The following MCC variants were observed in gnomAD, a reference collection of about 807,000 sequenced individuals.
The protein encoded by MCC is MCC regulator of Wnt signaling pathway.
A neutral mutation model predicts 116.2 loss-of-function variants in MCC; 90 were observed. The observed-to-expected ratio is 0.77, with a 90% CI of 0.65 to 0.92. MCC has a LOEUF of 0.92. Among genes scored for constraint, MCC ranks in the 40% least tolerant of loss-of-function variants. The probability of loss-of-function intolerance (pLI) is 0.00; values close to 1 mark genes in which losing one functional copy is unlikely to be tolerated. For synonymous variants in MCC, 578 were observed against 510.5 expected (o/e 1.13, Z -1.78); for missense variants, 1,516 against 1,312.2 (o/e 1.16, Z -2.40).
At chr5:113,324,564 T>C (rs2150372392) in intron 3 of MCC, among the ~76,000 whole-genome samples, 3 of 152,280 alleles carry the variant, frequency 2.0e-5, no homozygotes, top group Middle Eastern at 6.8e-3. Context: ...AGACTTTTCC[T>C]TCTCTATTAT....
intron 3 of MCC, among the ~76,000 whole-genome samples, chr5:113,245,715 C>T (rs190468612): frequency 1.3e-5 from 2 of 152,154 alleles, no homozygotes; most frequent in Non-Finnish European, 2.9e-5. Flanking sequence ...TCTGACAAAG[C>T]CTCATACTTT....
At chr5:113,320,931 A>G (rs923694602) in intron 3 of MCC, among the ~76,000 whole-genome samples, 1 of 152,218 alleles carries the variant, frequency 6.6e-6, no homozygotes, top group Admixed American at 6.5e-5. Context: ...ACTTTCTCAA[A>G]TATTTCCAAT....
chr5:113,390,288 G>C (rs1009647639), intron 1 of MCC, among the ~76,000 whole-genome samples: 2 of 152,048 alleles, frequency 1.3e-5, no homozygotes, highest in Non-Finnish European at 2.9e-5. Flanking sequence ...TGTTACAAAT[G>C]CTTTAAAAGG....
chr5:113,188,996 C>G (rs1048743095), intron 3 of MCC, among the ~76,000 whole-genome samples: 3 of 152,204 alleles, frequency 2.0e-5, no homozygotes, highest in Admixed American at 1.3e-4. Context: ...TGAGACACAG[C>G]TGACCTTGGT....
chr5:113,418,260 T>A (rs71577447), intron 1 of MCC, among the ~76,000 whole-genome samples: 1 of 149,330 alleles, frequency 6.7e-6, no homozygotes, highest in African/African-American at 2.5e-5. Context: ...AACTTAAAAG[T>A]ATAATAATAA....
At chr5:113,276,811 T>C (rs1765844150) in intron 3 of MCC, among the ~76,000 whole-genome samples, 1 of 150,698 alleles carries the variant, frequency 6.6e-6, no homozygotes, top group South Asian at 2.1e-4. Context: ...TCTTATTTTT[T>C]TTTTTTTTTT....
At chr5:113,075,895 G>C (rs750258260) in intron 11 of MCC, among the ~76,000 whole-genome samples, 2 of 152,044 alleles carry the variant, frequency 1.3e-5, no homozygotes, top group Non-Finnish European at 1.5e-5. Context: ...GTGAGTCCAC[G>C]ATACCACCAG....
chr5:113,277,368 A>G (rs1581356039), intron 3 of MCC, among the ~76,000 whole-genome samples: 1 of 29,264 alleles, frequency 3.4e-5, no homozygotes, highest in Non-Finnish European at 5.8e-5. Flanking sequence ...ACTCCATCTC[A>G]AAAAAAAAAA....
chr5:113,099,455 A>T (rs1035501992), intron 8 of MCC, among the ~76,000 whole-genome samples: 1 of 152,230 alleles, frequency 6.6e-6, no homozygotes. Context: ...ATCACTCGAC[A>T]GGTAACTATA....
intron 3 of MCC, among the ~76,000 whole-genome samples, chr5:113,205,804 G>A (rs965099101): frequency 1.3e-5 from 2 of 152,230 alleles, no homozygotes; most frequent in South Asian, 2.1e-4. Context: ...GGTAGATAGA[G>A]CATTCTCCCA....
At chr5:113,380,063 G>C (rs1208335290) in intron 2 of MCC, among the ~76,000 whole-genome samples, 2 of 152,178 alleles carry the variant, frequency 1.3e-5, no homozygotes, top group Non-Finnish European at 2.9e-5. Context: ...ATGAATCTAT[G>C]GAAATTCCTC....
At chr5:113,123,888 G>A (rs1410672938) in intron 5 of MCC, among the ~76,000 whole-genome samples, 3 of 152,184 alleles carry the variant, frequency 2.0e-5, no homozygotes, top group Admixed American at 2.0e-4. Flanking sequence ...TTCATTTTAA[G>A]TTGTCAACAA....
At chr5:113,301,814 A>G (rs1329838994) in intron 3 of MCC, among the ~76,000 whole-genome samples, 1 of 152,250 alleles carries the variant, frequency 6.6e-6, no homozygotes, top group Non-Finnish European at 1.5e-5. Flanking sequence ...TAAGCTCATT[A>G]TAATAGTTTA....
chr5:113,418,164 A>G (rs2150405872), intron 1 of MCC, among the ~76,000 whole-genome samples: 1 of 152,046 alleles, frequency 6.6e-6, no homozygotes, highest in African/African-American at 2.4e-5. Flanking sequence ...TTCAGGTATG[A>G]TCTCAATTTT....
At chr5:113,399,861 G>A (rs2150398198) in intron 1 of MCC, 2 of 152,218 alleles carry the variant, frequency 1.3e-5, no homozygotes. Context: ...TCCTTCTGAT[G>A]TTTGGCCTGA....
intron 17 of MCC, 32 bp downstream of exon 17, chr5:113,043,498 A>G (rs1339342630): frequency 6.3e-7 from 1 of 1,587,842 alleles, no homozygotes; most frequent in South Asian, 1.1e-5. Context: ...GCCCAGGATA[A>G]ACACCAGCTG....
intron 3 of MCC, among the ~76,000 whole-genome samples, chr5:113,179,793 G>A (rs1761519138): frequency 6.6e-6 from 1 of 152,142 alleles, no homozygotes; most frequent in Admixed American, 6.5e-5. Context: ...GGGAACATTA[G>A]AGCCAAGGCC....
chr5:113,321,499 G>A (rs1427015209), intron 3 of MCC, among the ~76,000 whole-genome samples: 1 of 152,190 alleles, frequency 6.6e-6, no homozygotes, highest in Non-Finnish European at 1.5e-5. Context: ...AGGCAAGTGC[G>A]GAGCCCACAT....
intron 17 of MCC, among the ~76,000 whole-genome samples, chr5:113,033,759 G>C (rs543634970): frequency 6.6e-6 from 1 of 152,260 alleles, no homozygotes; most frequent in South Asian, 2.1e-4. Context: ...AACAATGCTG[G>C]ATTGTAATGA....
Sources: gnomAD v4.1 joint callset for allele counts (sites outside exome capture counted in the v4.1 genomes callset) on GRCh38, gnomAD v4.1.1 for gene constraint, MANE v1.5 for transcripts, NCBI Gene and HGNC (gene_info 2026-07-23, HGNC 2026-07-21) for gene names.